The following NTNG1 variants were observed in gnomAD, a reference collection of about 807,000 sequenced individuals.
NTNG1 encodes the protein netrin G1.
Under a neutral mutation model 54.0 loss-of-function variants are expected in NTNG1, and 16 were observed. The ratio of observed to expected loss-of-function variants is 0.30; its 90% CI spans 0.20 to 0.45. The LOEUF (loss-of-function observed/expected upper bound fraction) is 0.45. Ranked by LOEUF, NTNG1 falls within the 20% of genes least tolerant of loss-of-function variation. The probability of loss-of-function intolerance (pLI) is 1.00; values close to 1 mark genes in which losing one functional copy is unlikely to be tolerated. For missense variants in NTNG1, 530 were observed against 678.7 expected (o/e 0.78, Z 2.43); for synonymous variants, 255 against 263.1 (o/e 0.97, Z 0.30).
At chr1:107,410,362 G>A (rs1276366101) in intron 5 of NTNG1, 1 of 152,096 alleles carries the variant, frequency 6.6e-6, no homozygotes, top group East Asian at 1.9e-4. Context: ...CATGGATAGG[G>A]TGGTCATCCT....
rs112323914 is a variant in NTNG1 at position 107,178,884 on chromosome 1, G to A, written c.246+30045G>A. On this transcript the variant is annotated intron_variant, in intron 2 of 7. Coordinates refer to ENST00000370068, the MANE Select transcript of NTNG1 (RefSeq NM_001113226.3). Reference sequence around the variant, plus strand: ...CTTTAGCTTGGTCCCACATGATCTAGACTGAAGAATTAGCCCCATCTGGGA... The same window carrying A: ...CTTTAGCTTGGTCCCACATGATCTAAACTGAAGAATTAGCCCCATCTGGGA... Among the ~76,000 whole-genome samples, 1,390 of 152,284 alleles carry A rather than the reference G, an allele frequency of 9.1e-3. 16 individuals are homozygous for A. The highest frequency in any genetic ancestry group is 0.032 in the African/African-American group (1,311 of 41,560).
chr1:107,331,072 A>G (rs1320310260), intron 3 of NTNG1, among the ~76,000 whole-genome samples: 1 of 152,082 alleles, frequency 6.6e-6, no homozygotes, highest in Non-Finnish European at 1.5e-5. Flanking sequence ...GGTGTTGGTT[A>G]ACCCCATTTT....
chr1:107,378,352 C>T (rs1240326454), intron 3 of NTNG1, among the ~76,000 whole-genome samples: 1 of 152,180 alleles, frequency 6.6e-6, no homozygotes, highest in Admixed American at 6.5e-5. Flanking sequence ...AGAGACCTGG[C>T]CAGGTGATTG....
intron 3 of NTNG1, among the ~76,000 whole-genome samples, chr1:107,349,258 C>T (rs978902382): frequency 1.3e-5 from 2 of 152,158 alleles, no homozygotes; most frequent in Admixed American, 1.3e-4. Flanking sequence ...TCTCCAACAG[C>T]AACCCCACCC....
intron 5 of NTNG1, among the ~76,000 whole-genome samples, chr1:107,424,372 G>C (rs2101269346): frequency 6.6e-6 from 1 of 152,236 alleles, no homozygotes; most frequent in South Asian, 2.1e-4. Context: ...AGGGAGGACA[G>C]GGGCCAGGTC....
Position 107,287,566 on chromosome 1 carries a change from A to G in NTNG1, c.247-36716A>G, listed in dbSNP as rs1171897310. On this transcript the variant is annotated intron_variant, in intron 2 of 7. Transcript: ENST00000370068. ...AGTTTGAGGCCAGCCTGGGCAATGT[A>G]GTGAGACCTTGGTCTCTATAAAACA... Among the ~76,000 whole-genome samples the G allele has an allele frequency of 2.0e-5, 3 of 152,204 alleles. No individual in the cohort carries two copies. In the East Asian group the frequency reaches 5.8e-4, roughly 29 times the overall value.
intron 3 of NTNG1, among the ~76,000 whole-genome samples, chr1:107,390,366 G>A (rs1268548020): frequency 6.6e-6 from 1 of 152,154 alleles, no homozygotes; most frequent in Non-Finnish European, 1.5e-5. Context: ...GAATAATTAC[G>A]CTATGCAAAT....
In NTNG1 at chr1:107,361,391, A is replaced by ATATAT. The variant is rs370815306; in HGVS notation, c.888-33762_888-33761insATATT. ...TATATATACATATATATATATATAT[A>ATATAT]TTTTTTTTTTTTTTTGAGACACAGT... On this transcript the variant is annotated intron_variant, in intron 3 of 7. Coordinates refer to ENST00000370068, the MANE Select transcript of NTNG1 (RefSeq NM_001113226.3). 2.4e-3 allele frequency among the ~76,000 whole-genome samples: 211 copies of ATATAT among 87,964 alleles called. 1 individual carries two copies. The highest frequency in any genetic ancestry group is 3.6e-3 in the African/African-American group (91 of 25,504). The allele number at this position is 87,964 out of a possible 152,430, so 57.7% of individuals were successfully genotyped here. A position where few individuals can be genotyped will look rare whatever the true frequency, so the allele number is the denominator to read the frequency against.
chr1:107,177,837 A>G (rs904277067), intron 2 of NTNG1, among the ~76,000 whole-genome samples: 1 of 152,038 alleles, frequency 6.6e-6, no homozygotes, highest in Admixed American at 6.6e-5. Flanking sequence ...GATTGTATTC[A>G]TGTATGTTGA....
chr1:107,428,607 G>C lies in NTNG1; in HGVS notation c.1088-2143G>C, dbSNP rs996130. ...CGACCCAGGGGCAGGGCTGTTATTGGCCCTCCTCAGGAATTCCAGGCAGTT... is the reference window on the plus strand; with the variant it reads ...CGACCCAGGGGCAGGGCTGTTATTGCCCCTCCTCAGGAATTCCAGGCAGTT... On this transcript the variant is annotated intron_variant, in intron 5 of 7. Transcript: ENST00000370068. 5.8e-3 allele frequency among the ~76,000 whole-genome samples: 882 copies of C among 152,196 alleles called. 13 individuals are homozygous for C. The highest frequency in any genetic ancestry group is 0.02 in the African/African-American group (843 of 41,548).
chr1:107,400,575 A>ATAGGAACTAAAT (rs1672958758), intron 4 of NTNG1, among the ~76,000 whole-genome samples: 1 of 152,144 alleles, frequency 6.6e-6, no homozygotes, highest in Admixed American at 6.5e-5. Context: ...CTGTCTCATT[A>ATAGGAACTAAAT]TAGGAACTAA....
chr1:107,231,791 C>T (rs946919619), intron 2 of NTNG1, among the ~76,000 whole-genome samples: 6 of 151,920 alleles, frequency 3.9e-5, no homozygotes, highest in Non-Finnish European at 7.4e-5. Context: ...TACTGCCAGG[C>T]CATGGAAGGA....
intron 2 of NTNG1, among the ~76,000 whole-genome samples, chr1:107,220,540 GT>G (rs1660271624): frequency 6.6e-6 from 1 of 152,200 alleles, no homozygotes; most frequent in East Asian, 1.9e-4. Flanking sequence ...TGGCATAGAG[GT>G]TAAGAGAATG....
intron 5 of NTNG1, among the ~76,000 whole-genome samples, chr1:107,429,855 A>C (rs1470120200): frequency 6.6e-6 from 1 of 152,144 alleles, no homozygotes; most frequent in Non-Finnish European, 1.5e-5. Context: ...AGATGCAAGA[A>C]AGAAGAAATC....
intron 3 of NTNG1, among the ~76,000 whole-genome samples, chr1:107,336,550 T>C (rs917846235): frequency 6.6e-6 from 1 of 151,986 alleles, no homozygotes; most frequent in African/African-American, 2.4e-5. Flanking sequence ...GAAAACTTCA[T>C]GACATTAAAT....
At chr1:107,472,636 G>C (rs1258703991) in intron 7 of NTNG1, among the ~76,000 whole-genome samples, 3 of 152,166 alleles carry the variant, frequency 2.0e-5, no homozygotes, top group African/African-American at 7.2e-5. Flanking sequence ...CCAGTTTTAT[G>C]ACGCTCAGCC....
At chr1:107,242,439 A>T (rs928463920) in intron 2 of NTNG1, among the ~76,000 whole-genome samples, 2 of 152,228 alleles carry the variant, frequency 1.3e-5, no homozygotes, top group African/African-American at 4.8e-5. Flanking sequence ...AGGCTTTAGG[A>T]ATCTGTGGTA....
chr1:107,163,215 G>C (rs1195700745), intron 2 of NTNG1, among the ~76,000 whole-genome samples: 1 of 152,116 alleles, frequency 6.6e-6, no homozygotes, highest in Non-Finnish European at 1.5e-5. Context: ...AGAGCCAAGT[G>C]TTCTGAAGTG....
chr1:107,473,043 A>T (rs1678084210), intron 7 of NTNG1, among the ~76,000 whole-genome samples: 1 of 152,132 alleles, frequency 6.6e-6, no homozygotes, highest in African/African-American at 2.4e-5. Context: ...TCACTCTTTG[A>T]TGTTTCTTTG....
Sources: allele counts gnomAD v4.1 joint callset (sites outside exome capture counted in the v4.1 genomes callset), GRCh38; gene constraint gnomAD v4.1.1; transcripts MANE v1.5; gene names NCBI Gene and HGNC (gene_info 2026-07-23, HGNC 2026-07-21).